RBFOX1: variants seen among roughly 807,000 people sequenced by gnomAD.
The protein encoded by RBFOX1 is RNA binding fox-1 homolog 1, also known as RNA binding protein fox-1 homolog 1.
RBFOX1 carries 8 observed loss-of-function variants against 57.7 expected under a neutral mutation model. The observed-to-expected ratio is 0.14, with a 90% CI of 0.08 to 0.25. The LOEUF is 0.25. Among genes scored for constraint, RBFOX1 ranks in the 10% least tolerant of loss-of-function variants. The pLI, the probability that RBFOX1 is intolerant of heterozygous loss-of-function variation, is 1.00. For synonymous variants in RBFOX1, 326 were observed against 222.4 expected (o/e 1.47, Z -4.15); for missense variants, 611 against 548.5 (o/e 1.11, Z -1.14).
chr16:6,843,056 T>A (rs754524388), intron 3 of RBFOX1, among the ~76,000 whole-genome samples: 1 of 152,190 alleles, frequency 6.6e-6, no homozygotes, highest in Non-Finnish European at 1.5e-5. Flanking sequence ...CACGTGTTCT[T>A]TATCCTTGAT....
intron 6 of RBFOX1, among the ~76,000 whole-genome samples, chr16:7,585,742 A>T (rs531889205): frequency 6.6e-6 from 1 of 152,186 alleles, no homozygotes; most frequent in African/African-American, 2.4e-5. Context: ...TTCTTTGTCC[A>T]TTCCAGAGGA....
chr16:7,303,302 C>T, intron 4 of RBFOX1, among the ~76,000 whole-genome samples: 1 of 152,220 alleles, frequency 6.6e-6, no homozygotes, highest in Non-Finnish European at 1.5e-5. Context: ...CCTCCCCTCC[C>T]TCAGCCCAAG....
chr16:5,420,632 C>G (rs1193099983), intron 1 of RBFOX1, among the ~76,000 whole-genome samples: 1 of 152,116 alleles, frequency 6.6e-6, no homozygotes, highest in Non-Finnish European at 1.5e-5. Flanking sequence ...ACCTCAGCGT[C>G]CCCCAACCCT....
At chr16:5,943,706 G>T (rs1269364434) in intron 4 of RBFOX1, among the ~76,000 whole-genome samples, 2 of 152,146 alleles carry the variant, frequency 1.3e-5, no homozygotes, top group South Asian at 4.1e-4. Context: ...ATCTGAAGAG[G>T]CTGAATGTAT....
chr16:6,696,394 C>G (rs1356843796), intron 3 of RBFOX1, among the ~76,000 whole-genome samples: 1 of 152,018 alleles, frequency 6.6e-6, no homozygotes, highest in Non-Finnish European at 1.5e-5. Flanking sequence ...TATATTGAAA[C>G]CTCAATTCAT....
At chr16:6,561,789 T>C (rs1237653029) in intron 2 of RBFOX1, among the ~76,000 whole-genome samples, 1 of 152,226 alleles carries the variant, frequency 6.6e-6, no homozygotes, top group Non-Finnish European at 1.5e-5. Context: ...AGTGGACAGA[T>C]TTCTGAACAT....
rs1555514821 is a variant in RBFOX1 at position 5,424,925 on chromosome 16, T to TTCTTTC, written c.220-42289_220-42284dup. ...TTTCTTTCTTTCTTTCTTTCTTTCT[T>TTCTTTC]TCTTTCTTTCTCTCTCTTCTTTCTT... is the stretch of plus-strand genomic sequence containing the variant. On this transcript the variant is annotated intron_variant, in intron 1 of 2. Transcript: ENST00000585867. Among the ~76,000 whole-genome samples the TTCTTTC allele has an allele frequency of 1.2e-3, 124 of 102,822 alleles. 7 individuals carry two copies. The highest frequency in any genetic ancestry group is 4.4e-3 in the African/African-American group (120 of 27,578). 67.5% of individuals were successfully genotyped at this position (102,822 alleles called of 152,430 possible).
chr16:5,640,968 G>A (rs995039422), intron 3 of RBFOX1, among the ~76,000 whole-genome samples: 1 of 144,136 alleles, frequency 6.9e-6, no homozygotes, highest in Non-Finnish European at 1.5e-5. Context: ...ATACACACAT[G>A]CACACACATA....
chr16:7,088,748 C>T (rs1332190619), intron 4 of RBFOX1, among the ~76,000 whole-genome samples: 1 of 152,104 alleles, frequency 6.6e-6, no homozygotes, highest in Non-Finnish European at 1.5e-5. Flanking sequence ...ATTTCTTATG[C>T]CAGTAACCAA....
chr16:7,250,632 A>T (rs1168592310), intron 4 of RBFOX1, among the ~76,000 whole-genome samples: 1 of 152,240 alleles, frequency 6.6e-6, no homozygotes, highest in African/African-American at 2.4e-5. Context: ...GACACTGAGC[A>T]AGCATTTAGA....
chr16:6,030,458 A>C (rs529974536), intron 1 of RBFOX1, among the ~76,000 whole-genome samples: 14 of 152,230 alleles, frequency 9.2e-5, no homozygotes, highest in African/African-American at 2.9e-4. Context: ...TATTAACCTC[A>C]CTTTTGACTC....
intron 1 of RBFOX1, among the ~76,000 whole-genome samples, chr16:5,360,872 A>G (rs1265583677): frequency 6.6e-6 from 1 of 152,132 alleles, no homozygotes; most frequent in East Asian, 1.9e-4. Flanking sequence ...ATCTTATAGC[A>G]TGAACCTGCT....
intron 1 of RBFOX1, among the ~76,000 whole-genome samples, chr16:5,458,412 G>A (rs1367167365): frequency 2.6e-5 from 4 of 152,166 alleles, no homozygotes; most frequent in African/African-American, 9.7e-5. Context: ...GAGAGTTGAT[G>A]TTTGAGGAAT....
intron 3 of RBFOX1, among the ~76,000 whole-genome samples, chr16:5,616,906 C>A (rs562435896): frequency 6.5e-4 from 86 of 132,102 alleles, no homozygotes; most frequent in Non-Finnish European, 1.1e-3. Flanking sequence ...GCCTCTTTTT[C>A]CACCCCCTCA....
intron 4 of RBFOX1, among the ~76,000 whole-genome samples, chr16:7,227,373 G>T (rs942071033): frequency 2.1e-5 from 3 of 144,794 alleles, no homozygotes; most frequent in Non-Finnish European, 4.5e-5. Flanking sequence ...TTAGCTCACT[G>T]CATAATCCTC....
At chr16:6,908,621 G>C (rs1004740606) in intron 3 of RBFOX1, among the ~76,000 whole-genome samples, 11 of 152,168 alleles carry the variant, frequency 7.2e-5, no homozygotes, top group South Asian at 4.1e-4. Context: ...GGTGGAAATG[G>C]TTAATGAATC....
At chr16:5,781,816 G>T (rs746728849) in intron 3 of RBFOX1, among the ~76,000 whole-genome samples, 1 of 152,180 alleles carries the variant, frequency 6.6e-6, no homozygotes, top group Non-Finnish European at 1.5e-5. Flanking sequence ...TATCCTCTAT[G>T]GCACTGATAT....
At chr16:6,027,055 G>C (rs2095210376) in intron 1 of RBFOX1, among the ~76,000 whole-genome samples, 1 of 152,198 alleles carries the variant, frequency 6.6e-6, no homozygotes, top group South Asian at 2.1e-4. Flanking sequence ...TGCTAGTTCT[G>C]CATTTCCCCA....
At chr16:7,568,203 A>G (rs1450560904) in intron 5 of RBFOX1, among the ~76,000 whole-genome samples, 2 of 152,198 alleles carry the variant, frequency 1.3e-5, no homozygotes, top group South Asian at 2.1e-4. Context: ...TGGCTACTCC[A>G]TAGGTAGAGC....
Sources: allele counts gnomAD v4.1 joint callset (sites outside exome capture counted in the v4.1 genomes callset), GRCh38; gene constraint gnomAD v4.1.1; transcripts MANE v1.5; gene names NCBI Gene and HGNC (gene_info 2026-07-23, HGNC 2026-07-21).